Variants in RYR3 observed in about 807,000 individuals in gnomAD.
The protein encoded by RYR3 is brain ryanodine receptor-calcium release channel.
RYR3 carries 207 observed loss-of-function variants against 584.3 expected under a neutral mutation model. That is an observed-to-expected ratio of 0.35 (90% CI 0.32 to 0.40). The LOEUF (loss-of-function observed/expected upper bound fraction) is 0.40, where lower values mean the gene tolerates loss of function less well. RYR3 is among the 10% of genes least tolerant of loss of function. The pLI, the probability that RYR3 is intolerant of heterozygous loss-of-function variation, is 1.00. For missense variants in RYR3, 5,616 were observed against 6,089.2 expected (o/e 0.92, Z 2.59); for synonymous variants, 2,416 against 2,248.5 (o/e 1.07, Z -2.11).
At chr15:33,808,782 A>G (rs1004191811) in intron 70 of RYR3, among the ~76,000 whole-genome samples, 2 of 152,100 alleles carry the variant, frequency 1.3e-5, no homozygotes, top group African/African-American at 2.4e-5. Context: ...TGTTTTCTGG[A>G]ACACCAGGAG....
At chr15:33,758,828 A>G (rs750842213) in intron 60 of RYR3, among the ~76,000 whole-genome samples, 44 of 152,214 alleles carry the variant, frequency 2.9e-4, no homozygotes, top group Admixed American at 1.5e-3. Flanking sequence ...TGGGTCCCTG[A>G]GCCCCGTGCC....
At chr15:33,403,657 A>G (rs1005001103) in intron 1 of RYR3, among the ~76,000 whole-genome samples, 4 of 152,244 alleles carry the variant, frequency 2.6e-5, no homozygotes, top group African/African-American at 9.6e-5. Flanking sequence ...AAATTAATGT[A>G]ATTTTAGAAA....
At chr15:33,588,704 T>C (rs552926373) in intron 16 of RYR3, among the ~76,000 whole-genome samples, 1 of 152,354 alleles carries the variant, frequency 6.6e-6, no homozygotes, top group African/African-American at 2.4e-5. Context: ...ATATGCAGTA[T>C]TTGACATTCT....
At chr15:33,776,763 AT>A (rs2074021356) in intron 64 of RYR3, among the ~76,000 whole-genome samples, 1 of 152,042 alleles carries the variant, frequency 6.6e-6, no homozygotes, top group Admixed American at 6.5e-5. Context: ...TATTATTATT[AT>A]TACTTTGATG....
In RYR3 at chr15:33,724,127, T is replaced by G. The variant is rs1489948418; in HGVS notation, c.6863T>G (p.Phe2288Cys). 1 of 1,613,188 alleles carries G rather than the reference T, an allele frequency of 6.2e-7. No individual in the cohort carries two copies. The highest frequency in any genetic ancestry group is 8.5e-7 in the Non-Finnish European group (1 of 1,179,406). The change falls in exon 45 of 104, where the codon TTT (phenylalanine) becomes TGT (cysteine). Residue 2288 changes from phenylalanine to cysteine, a missense_variant. Phe to Cys is a radical substitution (Grantham distance 205). Transcript: ENST00000634891. ...IVHMGNAIMS[F>C]YSALIDLLGR... is the part of the protein sequence containing the mutation. ...CATATGGGCAATGCAATTATGTCAT[T>G]TTATTCGGCCCTTATAGATCTACTG...
At chr15:33,786,454 C>T (rs573527216) in intron 66 of RYR3, among the ~76,000 whole-genome samples, 3 of 151,688 alleles carry the variant, frequency 2.0e-5, no homozygotes, top group Non-Finnish European at 2.9e-5. Flanking sequence ...CTGTCTCATG[C>T]GGGCTCACGG....
rs2078855664 is a variant in RYR3, at chr15:33,848,354, T to C, written c.13561T>C (p.Tyr4521His). ...IARKLEFDGLYITEQPSEDDI... is the reference protein window; with the variant it reads ...IARKLEFDGLHITEQPSEDDI... ...CAGGAAGCTGGAGTTTGATGGCCTA[T>C]ATATCACCGAACAGCCATCTGAAGA... The change falls in exon 94 of 104, where the codon TAT (tyrosine) becomes CAT (histidine). Residue 4521 changes from tyrosine (Y) to histidine (H), a missense_variant. Tyr to His is a moderately conservative substitution (Grantham distance 83, BLOSUM62 2). Around this residue, in one of 9 missense-constraint regions of RYR3, gnomAD observed 918 missense variants for 887.4 expected, o/e 1.03. Coordinates refer to ENST00000634891, the MANE Select transcript of RYR3 (RefSeq NM_001036.6). 19 of 1,613,804 alleles carry C rather than the reference T, an allele frequency of 1.2e-5. No homozygotes were observed. Among genetic ancestry groups the C allele is most frequent in the Non-Finnish European group, 1.6e-5 (19 of 1,179,884 alleles).
chr15:33,623,230 G>A lies in RYR3; in HGVS notation c.2358-577G>A, dbSNP rs544829593. Among the ~76,000 whole-genome samples, 459 of 152,318 alleles carry A rather than the reference G, an allele frequency of 3.0e-3. 3 individuals carry two copies. The highest frequency in any genetic ancestry group is 3.9e-3 in the Non-Finnish European group (267 of 68,026). On this transcript the variant is annotated intron_variant, in intron 19 of 103. Transcript: ENST00000634891. ...ACAGCCGCCCCCATATGGCTGCTGC[G>A]GGGGAATGCGGTCTCCACAGTGTAA...
At chr15:33,803,452 C>T (rs1285272352) in intron 69 of RYR3, among the ~76,000 whole-genome samples, 1 of 152,228 alleles carries the variant, frequency 6.6e-6, no homozygotes, top group African/African-American at 2.4e-5. Context: ...ACAGGTATCA[C>T]AGCCTCTTCT....
intron 19 of RYR3, among the ~76,000 whole-genome samples, chr15:33,614,623 T>C (rs914860471): frequency 2.0e-5 from 3 of 152,296 alleles, no homozygotes; most frequent in African/African-American, 7.2e-5. Context: ...CTTTCTGATA[T>C]TTATTTTTTG....
chr15:33,828,033 C>T (rs2077471025), intron 85 of RYR3, among the ~76,000 whole-genome samples: 1 of 152,246 alleles, frequency 6.6e-6, no homozygotes, highest in South Asian at 2.1e-4. Flanking sequence ...GTTTTACCAA[C>T]AGCATTTACT....
At chr15:33,578,670 A>G (rs73386583) in intron 12 of RYR3, among the ~76,000 whole-genome samples, 2,281 of 152,014 alleles carry the variant, frequency 0.015, 59 homozygotes, top group African/African-American at 0.052. Flanking sequence ...CGGGCCTAAT[A>G]CTTAGGTCAG....
At position 33,836,168 on chromosome 15, in the gene RYR3, T is replaced by A. The variant is rs535525916; in HGVS notation, c.11569-738T>A. Among the ~76,000 whole-genome samples the A allele has an allele frequency of 7.5e-3, 650 of 86,730 alleles. 5 individuals are homozygous for A. The highest frequency in any genetic ancestry group is 0.026 in the African/African-American group (582 of 22,726). 56.9% of individuals were successfully genotyped at this position (86,730 alleles called of 152,430 possible). A position where few individuals can be genotyped will look rare whatever the true frequency, so the allele number is the denominator to read the frequency against. On this transcript the variant is annotated intron_variant, in intron 87 of 103. Transcript: ENST00000634891. ...CTTTTCTTTTCTTTTGCTTTTTTTT[T>A]ATTATTATTTCTTTTCTTTCCTTTT...
intron 9 of RYR3, among the ~76,000 whole-genome samples, chr15:33,549,520 C>T (rs1455909191): frequency 6.6e-6 from 1 of 152,198 alleles, no homozygotes; most frequent in African/African-American, 2.4e-5. Flanking sequence ...TCTCCCATAA[C>T]ACTTACCATA....
intron 43 of RYR3, among the ~76,000 whole-genome samples, chr15:33,711,789 C>T (rs1212285342): frequency 1.3e-5 from 2 of 152,200 alleles, no homozygotes; most frequent in Non-Finnish European, 2.9e-5. Context: ...TAACTGGTCT[C>T]CAAGAAGTTC....
Position 33,649,233 on chromosome 15 carries a change from A to G in RYR3, c.4140A>G (p.Glu1380=). The G allele has an allele frequency of 1.2e-6, 2 of 1,611,420 alleles. No homozygotes were observed. The highest frequency in any genetic ancestry group is 1.7e-6 in the Non-Finnish European group (2 of 1,179,286). ...TLGDERGRVH[E]SVKRSNCYMV... ...GGGATGAAAGAGGCCGGGTCCATGA[A>G]AGGTAAGGGGGCTCCCAAGTGGCAG... Residue 1380 remains glutamate, a splice_region_variant and synonymous_variant, in exon 31 of 104, where the codon GAA becomes GAG. Coordinates refer to ENST00000634891, the MANE Select transcript of RYR3 (RefSeq NM_001036.6).
intron 3 of RYR3, among the ~76,000 whole-genome samples, chr15:33,505,785 C>G (rs2052429295): frequency 1.3e-5 from 2 of 152,174 alleles, no homozygotes; most frequent in Admixed American, 1.3e-4. Context: ...AGCCACCACG[C>G]CTGGCCGGGA....
At chr15:33,546,355 G>C (rs1417007077) in intron 8 of RYR3, among the ~76,000 whole-genome samples, 2 of 152,152 alleles carry the variant, frequency 1.3e-5, no homozygotes. Flanking sequence ...TAAGTGGCTA[G>C]CAGGTTGGTG....
chr15:33,794,047 TA>T (rs1191102366), intron 67 of RYR3, among the ~76,000 whole-genome samples: 1 of 21,188 alleles, frequency 4.7e-5, no homozygotes, highest in Non-Finnish European at 1.3e-4. Flanking sequence ...TAAATACATA[TA>T]TATAAATATA....
Sources: allele counts gnomAD v4.1 joint callset (sites outside exome capture counted in the v4.1 genomes callset), GRCh38; gene constraint gnomAD v4.1.1; regional missense constraint gnomAD v4.1.1; transcripts MANE v1.5; gene names NCBI Gene and HGNC (gene_info 2026-07-23, HGNC 2026-07-21).